Variants in CTNNA1 observed in about 807,000 individuals in gnomAD.
The protein encoded by CTNNA1 is catenin alpha-1.
A neutral mutation model predicts 98.4 loss-of-function variants in CTNNA1; 37 were observed. The ratio of observed to expected loss-of-function variants is 0.38; its 90% CI spans 0.29 to 0.49. The LOEUF (loss-of-function observed/expected upper bound fraction) is 0.49. CTNNA1 is among the 20% of genes least tolerant of loss of function. The pLI is 0.95. For missense variants in CTNNA1, 761 were observed against 1,147.2 expected (o/e 0.66, Z 4.86); for synonymous variants, 404 against 413.2 (o/e 0.98, Z 0.27).
chr5:138,811,514 G>T (rs1329951037), intron 4 of CTNNA1, among the ~76,000 whole-genome samples: 2 of 145,852 alleles, frequency 1.4e-5, no homozygotes, highest in African/African-American at 5.1e-5. Flanking sequence ...CCCAGACAGG[G>T]TGGCGGCCGG....
At chr5:138,930,987 C>G (rs1304454637) in intron 16 of CTNNA1, 52 bp downstream of exon 16, 3 of 1,192,818 alleles carry the variant, frequency 2.5e-6, no homozygotes, top group Non-Finnish European at 3.8e-6. Flanking sequence ...GGGGCTCAGG[C>G]AGCCCAGCCT....
At chr5:138,867,496 A>G (rs1764898343) in intron 7 of CTNNA1, among the ~76,000 whole-genome samples, 1 of 152,226 alleles carries the variant, frequency 6.6e-6, no homozygotes, top group Non-Finnish European at 1.5e-5. Flanking sequence ...CAAGGACATT[A>G]TAGTTGACCC....
intron 1 of CTNNA1, among the ~76,000 whole-genome samples, chr5:138,756,020 C>T (rs1052133081): frequency 4.1e-5 from 5 of 121,942 alleles, no homozygotes; most frequent in Non-Finnish European, 3.5e-5. Context: ...CAAGCTACCA[C>T]GCCCGGCTTA....
At chr5:138,838,728 G>T (rs1762017654) in intron 7 of CTNNA1, among the ~76,000 whole-genome samples, 1 of 152,000 alleles carries the variant, frequency 6.6e-6, no homozygotes, top group Non-Finnish European at 1.5e-5. Flanking sequence ...GCCCTGCTTT[G>T]TCTGCATCCG....
At chr5:138,911,487 T>C (rs1760622280) in intron 10 of CTNNA1, among the ~76,000 whole-genome samples, 1 of 152,070 alleles carries the variant, frequency 6.6e-6, no homozygotes, top group East Asian at 1.9e-4. Context: ...ATAAGTGTCC[T>C]TATATGAGGG....
chr5:138,834,455 G>T (rs1229656974), intron 7 of CTNNA1, among the ~76,000 whole-genome samples: 1 of 152,110 alleles, frequency 6.6e-6, no homozygotes, highest in Non-Finnish European at 1.5e-5. Context: ...CAGCCATTGT[G>T]CTGAGAGACA....
intron 13 of CTNNA1, among the ~76,000 whole-genome samples, chr5:138,927,593 T>A (rs1764371131): frequency 6.6e-6 from 1 of 152,190 alleles, no homozygotes; most frequent in South Asian, 2.1e-4. Flanking sequence ...TTTTGATGTG[T>A]CATATAATTC....
At chr5:138,755,383 A>AT (rs1175552091) in intron 1 of CTNNA1, among the ~76,000 whole-genome samples, 1 of 152,142 alleles carries the variant, frequency 6.6e-6, no homozygotes, top group East Asian at 1.9e-4. Flanking sequence ...ATAAAAGGGC[A>AT]TAGGAGTTTG....
chr5:138,783,402 G>C, intron 3 of CTNNA1, 30 bp downstream of exon 3: 1 of 1,558,786 alleles, frequency 6.4e-7, no homozygotes, highest in Non-Finnish European at 8.7e-7. Flanking sequence ...TAGGTAAAGA[G>C]AGGCAGGCCT....
At chr5:138,929,486 T>G in intron 14 of CTNNA1, 130 bp downstream of exon 14, 6 of 612,152 alleles carry the variant, frequency 9.8e-6, no homozygotes, top group South Asian at 9.6e-5. Flanking sequence ...GGCAGTAGAC[T>G]GAAGTTAAAC....
intron 6 of CTNNA1, 87 bp from the exon 7 acceptor site, chr5:138,827,428 C>G (rs753962683): frequency 1.8e-4 from 261 of 1,446,306 alleles, no homozygotes; most frequent in Admixed American, 1.2e-3. Context: ...TGTGTTAAAT[C>G]TTGATATTAC....
Position 138,887,609 on chromosome 5 carries a change from A to G in CTNNA1, c.1263A>G (p.Gln421=), listed in dbSNP as rs768184454. The G allele has an allele frequency of 1.6e-5, 26 of 1,611,572 alleles. No individual in the cohort carries two copies. The Admixed American group carries it at 1.7e-4, about 10-fold the overall frequency. Residue 421 remains glutamine, a synonymous_variant, in exon 9 of 18, where the codon CAA becomes CAG. Transcript: ENST00000302763. ...GNEKEVKEYA[Q]VFREHANKLI... ...AGAAAGAAGTTAAGGAGTATGCCCA[A>G]GTTTTCCGTGAACATGCCAACAAAT...
intron 5 of CTNNA1, among the ~76,000 whole-genome samples, chr5:138,816,223 T>A (rs1759422864): frequency 6.6e-6 from 1 of 152,238 alleles, no homozygotes; most frequent in South Asian, 2.1e-4. Context: ...CAGAATTTTG[T>A]CTTTTTTAAA....
intron 9 of CTNNA1, among the ~76,000 whole-genome samples, chr5:138,903,024 G>A (rs1214741731): frequency 6.6e-6 from 1 of 151,992 alleles, no homozygotes; most frequent in Non-Finnish European, 1.5e-5. Context: ...CTCTGCTTGG[G>A]TCCAGATGAC....
chr5:138,906,382 T>G (rs754967726), intron 10 of CTNNA1, among the ~76,000 whole-genome samples: 9 of 152,244 alleles, frequency 5.9e-5, no homozygotes, highest in Non-Finnish European at 1.3e-4. Flanking sequence ...TTTCTTCAAG[T>G]TTGTTTGCCA....
intron 1 of CTNNA1, among the ~76,000 whole-genome samples, chr5:138,762,835 C>T (rs571243131): frequency 6.6e-6 from 1 of 151,832 alleles, no homozygotes; most frequent in Non-Finnish European, 1.5e-5. Flanking sequence ...AGGGATGGAA[C>T]TATATTGTGG....
chr5:138,835,644 A>T (rs1001351558), intron 7 of CTNNA1, among the ~76,000 whole-genome samples: 17 of 151,994 alleles, frequency 1.1e-4, no homozygotes, highest in Non-Finnish European at 1.0e-4. Context: ...AATAAATTTT[A>T]TTTTTACTGT....
intron 7 of CTNNA1, among the ~76,000 whole-genome samples, chr5:138,858,240 C>T (rs1331927398): frequency 6.6e-6 from 1 of 152,006 alleles, no homozygotes; most frequent in Non-Finnish European, 1.5e-5. Context: ...AGTCCTCCCA[C>T]CTCAGCCTCC....
At chr5:138,882,887 G>A (rs1283113839) in intron 7 of CTNNA1, among the ~76,000 whole-genome samples, 1 of 152,354 alleles carries the variant, frequency 6.6e-6, no homozygotes, top group Non-Finnish European at 1.5e-5. Context: ...GGAGTGCAAT[G>A]GCACAATCTC....
Sources: allele counts gnomAD v4.1 joint callset (sites outside exome capture counted in the v4.1 genomes callset), GRCh38; gene constraint gnomAD v4.1.1; transcripts MANE v1.5; gene names NCBI Gene and HGNC (gene_info 2026-07-23, HGNC 2026-07-21).